HYCC1: variants seen among roughly 807,000 people sequenced by gnomAD.
HYCC1 encodes the protein hyccin PI4KA lipid kinase complex subunit 1.
At chr7:22,935,070 ACT>A in the HYCC1 span, 2 of 151,966 alleles carry the variant, frequency 1.3e-5, no homozygotes, top group Admixed American at 6.6e-5. Flanking sequence ...TCTTATGTTA[ACT>A]CTTTTCTGCA....
chr7:22,948,007 G>A, the HYCC1 span, among the ~76,000 whole-genome samples: 1 of 152,036 alleles, frequency 6.6e-6, no homozygotes, highest in South Asian at 2.1e-4. Flanking sequence ...TTCGTTGTCA[G>A]CCCTTTATCT....
At chr7:22,923,079 T>C in the HYCC1 span, among the ~76,000 whole-genome samples, 1 of 152,200 alleles carries the variant, frequency 6.6e-6, no homozygotes, top group African/African-American at 2.4e-5. Flanking sequence ...CACACATTGG[T>C]AGAACACTTC....
chr7:22,925,375 A>C, the HYCC1 span, among the ~76,000 whole-genome samples: 8 of 152,298 alleles, frequency 5.3e-5, no homozygotes, highest in South Asian at 1.7e-3. Context: ...CAGAAGATCA[A>C]GCTACTCCGA....
chr7:22,982,953 T>C, the HYCC1 span, among the ~76,000 whole-genome samples: 8 of 151,844 alleles, frequency 5.3e-5, no homozygotes, highest in Middle Eastern at 6.8e-3. Context: ...CTATTTCCAA[T>C]TTTTTTTCTA....
chr7:22,910,745 T>C, the HYCC1 span, among the ~76,000 whole-genome samples: 1 of 152,198 alleles, frequency 6.6e-6, no homozygotes, highest in African/African-American at 2.4e-5. Flanking sequence ...CCAATTACTT[T>C]TGGCATAAAA....
chr7:23,009,103 T>G, the HYCC1 span, among the ~76,000 whole-genome samples: 1 of 152,122 alleles, frequency 6.6e-6, no homozygotes, highest in Non-Finnish European at 1.5e-5. Context: ...ATAGTTTGTA[T>G]ACATAAAGAG....
chr7:22,945,947 T>C, the HYCC1 span: 2 of 1,613,734 alleles, frequency 1.2e-6, no homozygotes, highest in Non-Finnish European at 1.7e-6. Context: ...AGCAAAGTGA[T>C]CTTTGCAAGA....
chr7:22,983,859 T>A, the HYCC1 span: 1 of 794,488 alleles, frequency 1.3e-6, no homozygotes, highest in Non-Finnish European at 2.2e-6. Flanking sequence ...TACATTTTCT[T>A]ACCCCTTTAT....
chr7:22,960,787 C>T, the HYCC1 span, among the ~76,000 whole-genome samples: 8 of 152,268 alleles, frequency 5.3e-5, no homozygotes, highest in Middle Eastern at 3.4e-3. Flanking sequence ...CAGTGGCTCA[C>T]GCCTGTAATC....
At chr7:22,998,117 T>G in the HYCC1 span, among the ~76,000 whole-genome samples, 2 of 152,178 alleles carry the variant, frequency 1.3e-5, no homozygotes, top group African/African-American at 4.8e-5. Context: ...CCTCCAGGAC[T>G]TCAGAAGAAC....
the HYCC1 span, among the ~76,000 whole-genome samples, chr7:22,973,615 TAC>T: frequency 6.6e-6 from 1 of 152,136 alleles, no homozygotes; most frequent in African/African-American, 2.4e-5. Flanking sequence ...GGTGGACATT[TAC>T]ATGAAATTAA....
chr7:23,008,779 G>A, the HYCC1 span, among the ~76,000 whole-genome samples: 1 of 151,880 alleles, frequency 6.6e-6, no homozygotes, highest in South Asian at 2.1e-4. Context: ...CTCTGAAGAC[G>A]ATAACTGTTC....
the HYCC1 span, chr7:22,947,219 A>G: frequency 6.5e-7 from 1 of 1,549,748 alleles, no homozygotes; most frequent in East Asian, 2.4e-5. Flanking sequence ...TGCCCAATTC[A>G]GTAGCATCAT....
the HYCC1 span, among the ~76,000 whole-genome samples, chr7:22,995,901 A>G: frequency 6.6e-6 from 1 of 152,230 alleles, no homozygotes. Context: ...ACACGACGTC[A>G]TGTGAATATC....
the HYCC1 span, among the ~76,000 whole-genome samples, chr7:22,950,736 A>T: frequency 5.3e-5 from 8 of 152,070 alleles, no homozygotes; most frequent in Admixed American, 5.3e-4. Flanking sequence ...TATCCAGAGG[A>T]TGGCATATAT....
At chr7:22,932,222 C>T in the HYCC1 span, among the ~76,000 whole-genome samples, 1 of 152,118 alleles carries the variant, frequency 6.6e-6, no homozygotes, top group East Asian at 1.9e-4. Context: ...GCATAGGAAG[C>T]AGACAGGTTT....
chr7:22,903,228 C>G, the HYCC1 span, among the ~76,000 whole-genome samples: 14 of 152,058 alleles, frequency 9.2e-5, no homozygotes, highest in African/African-American at 3.4e-4. Flanking sequence ...GGCATATATT[C>G]AAGCGAAATG....
chr7:22,925,328 C>T, the HYCC1 span, among the ~76,000 whole-genome samples: 15 of 152,124 alleles, frequency 9.9e-5, no homozygotes, highest in East Asian at 5.8e-4. Context: ...CAAAGCTGAG[C>T]GGAGAATAAC....
chr7:22,903,794 TAAAGGA>T, the HYCC1 span, among the ~76,000 whole-genome samples: 1 of 152,206 alleles, frequency 6.6e-6, no homozygotes, highest in Non-Finnish European at 1.5e-5. Context: ...GTTTCCCTCT[TAAAGGA>T]AATTTGTCAA....
Sources: allele counts gnomAD v4.1 joint callset (sites outside exome capture counted in the v4.1 genomes callset), GRCh38; gene constraint gnomAD v4.1.1; transcripts MANE v1.5; gene names NCBI Gene and HGNC (gene_info 2026-07-23, HGNC 2026-07-21).